DLC1: variants seen among roughly 807,000 people sequenced by gnomAD.
The protein encoded by DLC1 is rho GTPase-activating protein 7.
DLC1 carries 54 observed loss-of-function variants against 140.3 expected under a neutral mutation model. The ratio of observed to expected loss-of-function variants is 0.38; its 90% CI spans 0.31 to 0.48. DLC1 has a LOEUF of 0.48. Ranked by LOEUF, DLC1 falls within the 20% of genes least tolerant of loss-of-function variation. DLC1 has a pLI of 0.96. For synonymous variants in DLC1, 986 were observed against 728.1 expected (o/e 1.35, Z -5.70); for missense variants, 2,536 against 1,907.0 (o/e 1.33, Z -6.14).
intron 1 of DLC1, chr8:13,559,388 T>C (rs1804165942): frequency 6.6e-6 from 1 of 152,226 alleles, no homozygotes; most frequent in African/African-American, 2.4e-5. Context: ...AAAATGCCTA[T>C]CTAAAATAAG....
intron 5 of DLC1, among the ~76,000 whole-genome samples, chr8:13,118,345 C>T (rs938931885): frequency 6.6e-6 from 1 of 152,194 alleles, no homozygotes; most frequent in Non-Finnish European, 1.5e-5. Flanking sequence ...ACAGTTTATA[C>T]AATGGCTAAA....
chr8:13,568,233 C>T (rs908341217), intron 1 of DLC1: 4 of 289,994 alleles, frequency 1.4e-5, no homozygotes, highest in Non-Finnish European at 2.7e-5. Context: ...TAATAACTGT[C>T]TTTGGCGATC....
At chr8:13,087,202 G>C (rs1817636299) in intron 16 of DLC1, among the ~76,000 whole-genome samples, 1 of 152,182 alleles carries the variant, frequency 6.6e-6, no homozygotes, top group African/African-American at 2.4e-5. Flanking sequence ...GGAGTTTTGA[G>C]ACCAGCCTGG....
chr8:13,090,395 C>G lies in DLC1; in HGVS notation c.3931G>C (p.Gly1311Arg). 1 of 1,614,166 alleles carries G rather than the reference C, an allele frequency of 6.2e-7. No individual in the cohort carries two copies. The highest frequency in any genetic ancestry group is 8.5e-7 in the Non-Finnish European group (1 of 1,180,038). ...ELKPLTLEALGHLGNDDSADY... is the reference protein window; with the variant it reads ...ELKPLTLEALRHLGNDDSADY... ...GCTGAGTCATCATTACCCAGGTGCCCGAGTGCTTCCAGAGTGAGGGGCTTC... is the reference window on the plus strand; with the variant it reads ...GCTGAGTCATCATTACCCAGGTGCCGGAGTGCTTCCAGAGTGAGGGGCTTC... The change falls in exon 15 of 18, where the codon GGG becomes CGG. Residue 1311 changes from glycine (G) to arginine (R), a missense_variant. By Grantham distance (125) the Gly-to-Arg change is moderately radical (BLOSUM62 -2). Transcript: ENST00000276297.
intron 5 of DLC1, among the ~76,000 whole-genome samples, chr8:13,141,950 A>AT (rs1823026451): frequency 6.6e-6 from 1 of 152,126 alleles, no homozygotes; most frequent in Non-Finnish European, 1.5e-5. Context: ...TTGAACTGTA[A>AT]TCCCCAGGTA....
chr8:13,503,675 G>A (rs1258425809), intron 1 of DLC1, among the ~76,000 whole-genome samples: 1 of 152,190 alleles, frequency 6.6e-6, no homozygotes, highest in East Asian at 1.9e-4. Flanking sequence ...AGAACTGACA[G>A]TAGTTAGTTC....
intron 4 of DLC1, among the ~76,000 whole-genome samples, chr8:13,364,230 T>C (rs1444223916): frequency 6.6e-6 from 1 of 152,180 alleles, no homozygotes; most frequent in Admixed American, 6.5e-5. Context: ...TCTTCAGATC[T>C]GCTTACCTAG....
At chr8:13,211,399 A>G (rs1028953398) in intron 5 of DLC1, among the ~76,000 whole-genome samples, 1 of 151,720 alleles carries the variant, frequency 6.6e-6, no homozygotes, top group Non-Finnish European at 1.5e-5. Flanking sequence ...TGTCTATGGA[A>G]CACCGTTTTG....
intron 2 of DLC1, among the ~76,000 whole-genome samples, chr8:13,479,482 C>A (rs1800583283): frequency 1.3e-5 from 2 of 152,130 alleles, no homozygotes; most frequent in Admixed American, 1.3e-4. Flanking sequence ...TGGCAACACT[C>A]ATAAAATATT....
chr8:13,504,694 C>T (rs1801975231), intron 1 of DLC1, among the ~76,000 whole-genome samples: 1 of 152,100 alleles, frequency 6.6e-6, no homozygotes, highest in Admixed American at 6.6e-5. Flanking sequence ...AGTAACAGTG[C>T]AGGGAAGACG....
chr8:13,157,807 A>G (rs1295670690), intron 5 of DLC1, among the ~76,000 whole-genome samples: 1 of 152,190 alleles, frequency 6.6e-6, no homozygotes, highest in African/African-American at 2.4e-5. Context: ...TTGGAATCAT[A>G]ATATTTCTTT....
chr8:13,249,958 C>T (rs1829933363), intron 5 of DLC1, among the ~76,000 whole-genome samples: 1 of 152,166 alleles, frequency 6.6e-6, no homozygotes, highest in Non-Finnish European at 1.5e-5. Context: ...CCAGAACCCT[C>T]CAGGATGGCT....
intron 2 of DLC1, among the ~76,000 whole-genome samples, chr8:13,414,905 G>C (rs1054477770): frequency 1.3e-5 from 2 of 152,108 alleles, no homozygotes; most frequent in Non-Finnish European, 2.9e-5. Flanking sequence ...CCACCTCCCA[G>C]GTTCAAGCGA....
intron 5 of DLC1, among the ~76,000 whole-genome samples, chr8:13,117,678 G>C (rs78139075): frequency 1.3e-5 from 2 of 152,222 alleles, no homozygotes; most frequent in South Asian, 2.1e-4. Context: ...AAATGTGCTT[G>C]CTTTCTTAAT....
intron 6 of DLC1, among the ~76,000 whole-genome samples, chr8:13,113,466 C>T (rs547441631): frequency 6.6e-6 from 1 of 152,184 alleles, no homozygotes; most frequent in Non-Finnish European, 1.5e-5. Context: ...ATGCACCCTG[C>T]ATTTTAGGAT....
intron 4 of DLC1, among the ~76,000 whole-genome samples, chr8:13,390,924 G>A (rs1180533200): frequency 6.7e-6 from 1 of 149,128 alleles, no homozygotes; most frequent in Admixed American, 6.8e-5. Flanking sequence ...GGCAGAGCTC[G>A]CAGTGAGCTG....
chr8:13,125,136 C>G (rs1033799118), intron 5 of DLC1, among the ~76,000 whole-genome samples: 1 of 152,018 alleles, frequency 6.6e-6, no homozygotes, highest in African/African-American at 2.4e-5. Context: ...ACGACCACAC[C>G]CGGGTAATTT....
chr8:13,213,569 A>G lies in DLC1; in HGVS notation c.1348+91700T>C, dbSNP rs193186948. The stretch of plus-strand genomic sequence containing the variant: ...TGAGTTGGCTTTTTGCGTGAATTAA[A>G]TATGAAACTTGAGAGGCTTTCATTT... On this transcript the variant is annotated intron_variant, in intron 5 of 17. Transcript: ENST00000276297. 7.9e-5 allele frequency among the ~76,000 whole-genome samples: 12 copies of G among 152,326 alleles called. No individual in the cohort carries two copies. In the East Asian group the frequency reaches 2.1e-3, roughly 27 times the overall value.
At chr8:13,584,646 C>A (rs1020609120) in intron 1 of DLC1, 1 of 152,124 alleles carries the variant, frequency 6.6e-6, no homozygotes, top group Non-Finnish European at 1.5e-5. Flanking sequence ...TGCAAGATTC[C>A]TGATGAGAGA....
Sources: allele counts gnomAD v4.1 joint callset (sites outside exome capture counted in the v4.1 genomes callset), GRCh38; gene constraint gnomAD v4.1.1; transcripts MANE v1.5; gene names NCBI Gene and HGNC (gene_info 2026-07-23, HGNC 2026-07-21).